The following LMF2 variants were observed in gnomAD, a reference collection of about 807,000 sequenced individuals.
The protein encoded by LMF2 is lipase maturation factor 2.
A neutral mutation model predicts 81.5 loss-of-function variants in LMF2; 113 were observed. That is an observed-to-expected ratio of 1.39 (90% CI 1.19 to 1.62). LMF2 has a LOEUF of 1.62. Ranked by LOEUF, LMF2 falls within the 40% of genes most tolerant of loss-of-function variation. The pLI, the probability that LMF2 is intolerant of heterozygous loss-of-function variation, is 0.00. For missense variants in LMF2, 1,235 were observed against 929.1 expected (o/e 1.33, Z -4.28); for synonymous variants, 645 against 424.5 (o/e 1.52, Z -6.39).
In LMF2 at chr22:50,507,619, G is replaced by C. The variant is rs1198776010; in HGVS notation, c.57C>G (p.Phe19Leu). 6.4e-7 allele frequency: 1 copy of C among 1,560,364 alleles called. No homozygotes were observed. Among genetic ancestry groups the C allele is most frequent in the Non-Finnish European group, 8.7e-7 (1 of 1,153,154 alleles). ...TGTAGAGGGAAGCGAAAGCAAACAT[G>C]AAGACGGCCGCCACGCCCTGGAGGA... The part of the protein sequence containing the change: ...QLFLQGVAAV[F>L]MFAFASLYTQ... The change falls in exon 1 of 14, where the codon TTC becomes TTG. Residue 19 changes from phenylalanine (F) to leucine (L), a missense_variant. Transcript: ENST00000474879.
Position 50,506,083 on chromosome 22 carries a change from CAG to C in LMF2, c.724_725del (p.Leu242ValfsTer52). The C allele has an allele frequency of 6.3e-7, 1 of 1,591,698 alleles. No individual in the cohort carries two copies. The highest frequency in any genetic ancestry group is 8.6e-7 in the Non-Finnish European group (1 of 1,169,456). On this transcript the variant is annotated frameshift_variant, in exon 5 of 14. Transcript: ENST00000474879. LOFTEE classifies it high-confidence loss of function. ...TFLIEIAVPP[L>X]FFAPIRRLRL... is the part of the protein sequence containing the mutation. The stretch of plus-strand genomic sequence containing the variant: ...GCAGGCGTCGAATGGGGGCGAAGAA[CAG>C]GGGCGGCACAGCGATCTCAATTAGG...
rs1454902101 is a variant in LMF2, at chr22:50,503,706, G to A, written c.1816-7C>T. On this transcript the variant is annotated splice_region_variant and splice_polypyrimidine_tract_variant and intron_variant, in intron 13 of 13. Transcript: ENST00000474879. Reference sequence around the variant, plus strand: ...TGCGAGGTGGGCTTTTCTCCTGTGGGAGGGAGGGAGGGAGGGAGGTTGGGG... The same window carrying A: ...TGCGAGGTGGGCTTTTCTCCTGTGGAAGGGAGGGAGGGAGGGAGGTTGGGG... 1 of 1,375,558 alleles carries A rather than the reference G, an allele frequency of 7.3e-7. No homozygotes were observed. The highest frequency in any genetic ancestry group is 2.5e-5 in the East Asian group (1 of 40,126). The allele number at this position is 1,375,558 out of a possible 1,614,324, so 85.2% of individuals were successfully genotyped here.
At position 50,506,936 on chromosome 22, in the gene LMF2, C is replaced by CA. The variant is rs2068598143; in HGVS notation, c.193dup (p.Trp65LeufsTer172). The CA allele has an allele frequency of 1.9e-6, 3 of 1,580,744 alleles. No homozygotes were observed. Among genetic ancestry groups the CA allele is most frequent in the Non-Finnish European group, 2.6e-6 (3 of 1,167,052 alleles). On this transcript the variant is annotated frameshift_variant, in exon 2 of 14. Coordinates refer to ENST00000474879, the MANE Select transcript of LMF2 (RefSeq NM_033200.3). LOFTEE classifies it high-confidence loss of function. Reference sequence around the variant, plus strand: ...GTCCAGCCCCAGTCTCGGCGCTTCCCACAGCAGCGTCGGGGTCTCCCACAG... The same window carrying CA: ...GTCCAGCCCCAGTCTCGGCGCTTCCCAACAGCAGCGTCGGGGTCTCCCACAG...
chr22:50,505,337 G>C lies in LMF2; in HGVS notation c.1052-3C>G, dbSNP rs9628196. 1.5e-5 allele frequency: 24 copies of C among 1,613,264 alleles called. 1 individual carries two copies. In the South Asian group the frequency reaches 2.5e-4, roughly 17 times the overall value. ...AGAAAACTGGTGGAAGGTGAAAGCT[G>C]GTGGAGGAGGGGGGTGTGAGGACTG... On this transcript the variant is annotated splice_region_variant and splice_polypyrimidine_tract_variant and intron_variant, in intron 7 of 13. Coordinates refer to ENST00000474879, the MANE Select transcript of LMF2 (RefSeq NM_033200.3).
At position 50,503,849 on chromosome 22, in the gene LMF2, C is replaced by T. The variant is rs547278189; in HGVS notation, c.1774G>A (p.Asp592Asn). 8.1e-6 allele frequency: 13 copies of T among 1,606,186 alleles called. No individual in the cohort carries two copies. In the South Asian group the frequency reaches 9.9e-5, roughly 12 times the overall value. The change falls in exon 13 of 14, where the codon GAC (aspartate) becomes AAC (asparagine). Residue 592 changes from aspartate to asparagine, a missense_variant. Physicochemically the swap from Asp to Asn is conservative, Grantham distance 23. Transcript: ENST00000474879. Reference protein sequence around the residue: ...EEFFPSVSLGDPTLETLLRQF... With the variant: ...EEFFPSVSLGNPTLETLLRQF... ...CTGAGCAGCGTCTCCAGCGTGGGGT[C>T]CCCCAGGGACACGGATGGGAAGAAC...
In LMF2 at chr22:50,505,822, G is replaced by A; in HGVS notation, c.775-7C>T. ...TCAGGACCTGCAGCAGCACCTGGGG[G>A]CGGCCCGCTCTCAGTGCTCCCGGAG... On this transcript the variant is annotated splice_polypyrimidine_tract_variant and splice_region_variant and intron_variant, in intron 5 of 13. Coordinates refer to ENST00000474879, the MANE Select transcript of LMF2 (RefSeq NM_033200.3). 6.2e-7 allele frequency: 1 copy of A among 1,612,600 alleles called. No individual in the cohort carries two copies. Among genetic ancestry groups the A allele is most frequent in the Non-Finnish European group, 8.5e-7 (1 of 1,179,776 alleles).
rs754556648 is a variant in LMF2 at position 50,503,879 on chromosome 22, C to T, written c.1744G>A (p.Glu582Lys). 7.5e-6 allele frequency: 12 copies of T among 1,605,504 alleles called. 1 individual carries two copies. In the Admixed American group the frequency reaches 8.3e-5, roughly 11 times the overall value. ...AGGGACACGGATGGGAAGAACTCCT[C>T]CACCCACTGGCGCCGCCACCACTGG... ...QGQWWRRQWV[E>K]EFFPSVSLGD... The change falls in exon 13 of 14, where the codon GAG (glutamate) becomes AAG (lysine). Residue 582 changes from glutamate (E) to lysine (K), a missense_variant. Physicochemically the swap from Glu to Lys is moderately conservative, Grantham distance 56. Coordinates refer to ENST00000474879, the MANE Select transcript of LMF2 (RefSeq NM_033200.3).
chr22:50,506,465 G>A lies in LMF2; in HGVS notation c.415C>T (p.Leu139=). ...LLLETGFLAV[L]VAPLRPASHR... ...GAGGCTGGCCTCAGCGGGGCCACCA[G>A]CACGGCCAGGAAGCCAGTCTCTAGC... The change falls in exon 4 of 14, where the codon CTG becomes TTG. Residue 139 remains leucine (L), a synonymous_variant. Coordinates refer to ENST00000474879, the MANE Select transcript of LMF2 (RefSeq NM_033200.3). The A allele has an allele frequency of 6.4e-7, 1 of 1,551,070 alleles. No homozygotes were observed. The highest frequency in any genetic ancestry group is 8.7e-7 in the Non-Finnish European group (1 of 1,149,334).
In LMF2 at chr22:50,505,332, A is replaced by G; in HGVS notation, c.1054T>C (p.Phe352Leu). Residue 352 changes from phenylalanine (F) to leucine (L), a missense_variant and splice_region_variant, in exon 8 of 14, where the codon TTC becomes CTC. By Grantham distance (22) the Phe-to-Leu change is conservative (BLOSUM62 0). Coordinates refer to ENST00000474879, the MANE Select transcript of LMF2 (RefSeq NM_033200.3). ...CACTGAGAAAACTGGTGGAAGGTGA[A>G]AGCTGGTGGAGGAGGGGGGTGTGAG... The part of the protein sequence containing the change: ...QQRTIHSRTT[F>L]TFHQFSQWLK... 2 of 1,613,282 alleles carry G rather than the reference A, an allele frequency of 1.2e-6. No individual in the cohort carries two copies. Among genetic ancestry groups the G allele is most frequent in the Non-Finnish European group, 1.7e-6 (2 of 1,179,998 alleles).
Position 50,503,226 on chromosome 22 carries a change from CTGGAGCCCTCAATGCAGCA to C in LMF2, c.*146_*164del. ...GGCATGGCTGGCGTGGGGGTGGGGC[CTGGAGCCCTCAATGCAGCA>C]CCCTGCAAACCCCAGGGGCAGCCCC... On this transcript the variant is annotated 3_prime_UTR_variant, in exon 14 of 14. Coordinates refer to ENST00000474879, the MANE Select transcript of LMF2 (RefSeq NM_033200.3). 1.5e-6 allele frequency: 1 copy of C among 651,384 alleles called. No individual in the cohort carries two copies. Among genetic ancestry groups the C allele is most frequent in the Non-Finnish European group, 2.5e-6 (1 of 398,736 alleles). 40.4% of individuals were successfully genotyped at this position (651,384 alleles called of 1,614,324 possible).
At position 50,505,277 on chromosome 22, in the gene LMF2, C is replaced by T. The variant is rs201764060; in HGVS notation, c.1109G>A (p.Trp370Ter). ...WLKTLTLPTV[W>*]LGVASLVWEL... is the part of the protein sequence containing the mutation. ...CCAGACCAGGGAGGCCACACCCAGC[C>T]ACACAGTGGGCAGCGTCAGTGTCTT... The change falls in exon 8 of 14, where the codon TGG becomes TAG. Residue 370 changes from tryptophan (W) to a stop codon, truncating the protein, a stop_gained. Coordinates refer to ENST00000474879, the MANE Select transcript of LMF2 (RefSeq NM_033200.3). LOFTEE classifies it high-confidence loss of function. 5.0e-6 allele frequency: 8 copies of T among 1,613,202 alleles called. No individual in the cohort carries two copies. Among genetic ancestry groups the T allele is most frequent in the Non-Finnish European group, 6.8e-6 (8 of 1,180,034 alleles).
At chr22:50,506,615 C>A in intron 3 of LMF2, 23 bp downstream of exon 3, 1 of 1,609,524 alleles carries the variant, frequency 6.2e-7, no homozygotes, top group Non-Finnish European at 8.5e-7. Context: ...CCTCCCACAG[C>A]CCCAGGCCCA....
intron 1 of LMF2, chr22:50,507,298 G>A (rs1027823528): frequency 4.9e-6 from 3 of 614,712 alleles, no homozygotes; most frequent in Non-Finnish European, 8.5e-6. Flanking sequence ...GTCTCAGCCC[G>A]ATCTCCTACC....
At position 50,505,293 on chromosome 22, in the gene LMF2, T is replaced by A; in HGVS notation, c.1093A>T (p.Thr365Ser). 1 of 1,613,186 alleles carries A rather than the reference T, an allele frequency of 6.2e-7. No individual in the cohort carries two copies. Among genetic ancestry groups the A allele is most frequent in the Non-Finnish European group, 8.5e-7 (1 of 1,179,994 alleles). ...HQFSQWLKTLTLPTVWLGVAS... is the reference protein window; with the variant it reads ...HQFSQWLKTLSLPTVWLGVAS... ...ACACCCAGCCACACAGTGGGCAGCG[T>A]CAGTGTCTTCAGCCACTGAGAAAAC... Residue 365 changes from threonine to serine, a missense_variant, in exon 8 of 14, where the codon ACG becomes TCG. Thr to Ser is a moderately conservative substitution (Grantham distance 58). Transcript: ENST00000474879.
Position 50,503,550 on chromosome 22 carries a change from C to A in LMF2, c.1965G>T (p.Leu655=). 6.4e-7 allele frequency: 1 copy of A among 1,555,532 alleles called. No individual in the cohort carries two copies. The highest frequency in any genetic ancestry group is 8.7e-7 in the Non-Finnish European group (1 of 1,153,882). ...AGGACCGGAGAGAACAGGGTGCTAG[C>A]AGGGCTTGCACAAATCTGACAGCCC... ...AVGAVRFVQA[L]LAPCSLRSSP... Residue 655 remains leucine, a synonymous_variant, in exon 14 of 14, where the codon CTG becomes CTT. Coordinates refer to ENST00000474879, the MANE Select transcript of LMF2 (RefSeq NM_033200.3).
rs2148646221 is a variant in LMF2 at position 50,505,225 on chromosome 22, G to A, written c.1157+4C>T. 3 of 1,613,014 alleles carry A rather than the reference G, an allele frequency of 1.9e-6. No individual in the cohort carries two copies. The highest frequency in any genetic ancestry group is 2.2e-5 in the East Asian group (1 of 44,886). On this transcript the variant is annotated splice_donor_region_variant and intron_variant, in intron 8 of 13. Coordinates refer to ENST00000474879, the MANE Select transcript of LMF2 (RefSeq NM_033200.3). ...GCCCCCTCCCTGCTTCCTGGGCCATGTACCTCCACAGGGCACTCAGCAGCT... is the reference window on the plus strand; with the variant it reads ...GCCCCCTCCCTGCTTCCTGGGCCATATACCTCCACAGGGCACTCAGCAGCT...
Position 50,506,096 on chromosome 22 carries a change from G to C in LMF2, c.713C>G (p.Ala238Gly), listed in dbSNP as rs764203357. 4.4e-6 allele frequency: 7 copies of C among 1,590,100 alleles called. No homozygotes were observed. The Admixed American group carries it at 1.3e-4, about 28-fold the overall frequency. Residue 238 changes from alanine to glycine, a missense_variant, in exon 5 of 14, where the codon GCT becomes GGT. By Grantham distance (60) the Ala-to-Gly change is moderately conservative. Transcript: ENST00000474879. ...SVVATFLIEI[A>G]VPPLFFAPIR... The stretch of plus-strand genomic sequence containing the variant: ...GGGGGCGAAGAACAGGGGCGGCACA[G>C]CGATCTCAATTAGGAAGGTGGCCAC...
At position 50,505,264 on chromosome 22, in the gene LMF2, G is replaced by T; in HGVS notation, c.1122C>A (p.Ala374=). ...LTLPTVWLGV[A]SLVWELLSAL... is the part of the protein sequence containing the mutation. ...CACTCAGCAGCTCCCAGACCAGGGA[G>T]GCCACACCCAGCCACACAGTGGGCA... The change falls in exon 8 of 14, where the codon GCC becomes GCA. Residue 374 remains alanine (A), a synonymous_variant. Coordinates refer to ENST00000474879, the MANE Select transcript of LMF2 (RefSeq NM_033200.3). The T allele has an allele frequency of 6.2e-7, 1 of 1,613,212 alleles. No individual in the cohort carries two copies. The highest frequency in any genetic ancestry group is 8.5e-7 in the Non-Finnish European group (1 of 1,180,018).
chr22:50,503,431 G>A lies in LMF2; in HGVS notation c.2084C>T (p.Pro695Leu). Residue 695 changes from proline (P) to leucine (L), a missense_variant, in exon 14 of 14, where the codon CCC becomes CTC. Physicochemically the swap from Pro to Leu is moderately conservative, Grantham distance 98 (BLOSUM62 -3). Transcript: ENST00000474879. ...ASEQATAAPN[P>L]CSSSSRTTRR... ...GGTGGTCCTCGAACTACTGGAGCAGGGGTTGGGGGCTGCGGTGGCCTGTTC... is the reference window on the plus strand; with the variant it reads ...GGTGGTCCTCGAACTACTGGAGCAGAGGTTGGGGGCTGCGGTGGCCTGTTC... 2 of 1,608,790 alleles carry A rather than the reference G, an allele frequency of 1.2e-6. No individual in the cohort carries two copies.
Sources: gnomAD v4.1 joint callset for allele counts on GRCh38, gnomAD v4.1.1 for gene constraint, MANE v1.5 for transcripts, NCBI Gene and HGNC (gene_info 2026-07-23, HGNC 2026-07-21) for gene names.